TRIM33: variants seen among roughly 807,000 people sequenced by gnomAD.
TRIM33 encodes E3 ubiquitin-protein ligase TRIM33.
TRIM33 carries 20 observed loss-of-function variants against 125.4 expected under a neutral mutation model. That is an observed-to-expected ratio of 0.16 (90% CI 0.11 to 0.23). TRIM33 has a LOEUF of 0.23. TRIM33 is among the 10% of genes least tolerant of loss of function. The pLI, the probability that TRIM33 is intolerant of heterozygous loss-of-function variation, is 1.00. For missense variants in TRIM33, 920 were observed against 1,411.4 expected (o/e 0.65, Z 5.58); for synonymous variants, 564 against 513.9 (o/e 1.10, Z -1.32).
In TRIM33 at chr1:114,399,628, G is replaced by A. The variant is rs116234499; in HGVS notation, c.2968-19C>T. 4,493 of 1,543,038 alleles carry A rather than the reference G, an allele frequency of 2.9e-3. 20 individuals are homozygous for A. Among genetic ancestry groups the A allele is most frequent in the Middle Eastern group, 0.012 (71 of 5,770 alleles). On this transcript the variant is annotated intron_variant, in intron 17 of 19. Transcript: ENST00000358465. Reference sequence around the variant, plus strand: ...TTGGTATCTAAAATAAGCACATAATGGCAAATAAGAATTCTCCAAAAATGC... The same window carrying A: ...TTGGTATCTAAAATAAGCACATAATAGCAAATAAGAATTCTCCAAAAATGC...
At chr1:114,509,612 G>T (rs559115728) in intron 1 of TRIM33, among the ~76,000 whole-genome samples, 2 of 152,254 alleles carry the variant, frequency 1.3e-5, no homozygotes, top group Admixed American at 1.3e-4. Context: ...TAGTTCCAGG[G>T]ATGTAGAAGG....
chr1:114,502,391 G>A (rs987120610), intron 1 of TRIM33, among the ~76,000 whole-genome samples: 2 of 152,018 alleles, frequency 1.3e-5, no homozygotes, highest in Admixed American at 1.3e-4. Flanking sequence ...TGTTTAGATG[G>A]GGTATGACCA....
chr1:114,481,798 C>T (rs537859867), intron 1 of TRIM33, among the ~76,000 whole-genome samples: 1 of 151,612 alleles, frequency 6.6e-6, no homozygotes, highest in African/African-American at 2.4e-5. Flanking sequence ...CTCACTCTAT[C>T]GCCCAGGCTG....
chr1:114,501,547 T>C (rs1054400760), intron 1 of TRIM33, among the ~76,000 whole-genome samples: 1 of 152,212 alleles, frequency 6.6e-6, no homozygotes, highest in Non-Finnish European at 1.5e-5. Flanking sequence ...AATTCTATTA[T>C]ATTCTCTTGG....
intron 1 of TRIM33, among the ~76,000 whole-genome samples, chr1:114,490,180 A>G (rs764555395): frequency 3.3e-5 from 5 of 152,030 alleles, no homozygotes; most frequent in African/African-American, 7.2e-5. Flanking sequence ...AGACTATCAT[A>G]AAGAACTGAC....
chr1:114,443,722 T>G (rs1418466193), intron 4 of TRIM33, among the ~76,000 whole-genome samples: 1 of 151,924 alleles, frequency 6.6e-6, no homozygotes, highest in Non-Finnish European at 1.5e-5. Flanking sequence ...TACACAAAAC[T>G]GCAATAGGGT....
intron 4 of TRIM33, among the ~76,000 whole-genome samples, chr1:114,444,646 T>C (rs1261083020): frequency 1.3e-5 from 2 of 152,220 alleles, no homozygotes; most frequent in South Asian, 2.1e-4. Flanking sequence ...AGATCTTCCC[T>C]AACAAAGCAT....
At chr1:114,473,766 T>C (rs1198659320) in intron 1 of TRIM33, among the ~76,000 whole-genome samples, 2 of 152,012 alleles carry the variant, frequency 1.3e-5, no homozygotes, top group African/African-American at 4.8e-5. Flanking sequence ...AATAAATACA[T>C]GAGCTATACA....
At position 114,511,119 on chromosome 1, in the gene TRIM33, C is replaced by T. The variant is rs1007571492; in HGVS notation, c.-43G>A. On this transcript the variant is annotated 5_prime_UTR_variant, in exon 1 of 20. Coordinates refer to ENST00000358465, the MANE Select transcript of TRIM33 (RefSeq NM_015906.4). ...CGCCGGACCGCCCCGCGCCGCCCGC[C>T]GCCCGCGTCGCCGCCGCCGCCGCCC... 1.8e-6 allele frequency: 2 copies of T among 1,121,310 alleles called. No homozygotes were observed. Among genetic ancestry groups the T allele is most frequent in the African/African-American group, 1.7e-5 (1 of 60,180 alleles). The allele number at this position is 1,121,310 out of a possible 1,614,324, so 69.5% of individuals were successfully genotyped here.
At chr1:114,404,956 T>A (rs1652141435) in intron 15 of TRIM33, 2 of 152,318 alleles carry the variant, frequency 1.3e-5, no homozygotes, top group Non-Finnish European at 2.9e-5. Flanking sequence ...TATTTTATGG[T>A]CTCTGAAATC....
chr1:114,435,987 C>A (rs1279326515), intron 4 of TRIM33, among the ~76,000 whole-genome samples: 6 of 149,518 alleles, frequency 4.0e-5, no homozygotes, highest in African/African-American at 1.5e-4. Context: ...CCTGCCTCGG[C>A]CAAAATGCTA....
intron 4 of TRIM33, among the ~76,000 whole-genome samples, chr1:114,442,952 T>C (rs1188901160): frequency 6.6e-6 from 1 of 152,162 alleles, no homozygotes; most frequent in East Asian, 1.9e-4. Flanking sequence ...AATATAAATT[T>C]AGAATTGTGA....
At chr1:114,481,354 G>C (rs546450734) in intron 1 of TRIM33, among the ~76,000 whole-genome samples, 41 of 152,248 alleles carry the variant, frequency 2.7e-4, no homozygotes, top group African/African-American at 9.9e-4. Flanking sequence ...AGCACTTTGG[G>C]AAGCCAAGGT....
In TRIM33 at chr1:114,437,772, G is replaced by A. The variant is rs530722802; in HGVS notation, c.924-4039C>T. Among the ~76,000 whole-genome samples the A allele has an allele frequency of 4.9e-4, 75 of 152,220 alleles. 2 individuals carry two copies. Among genetic ancestry groups the A allele is most frequent in the Admixed American group, 4.3e-3 (66 of 15,292 alleles). On this transcript the variant is annotated intron_variant, in intron 4 of 19. Transcript: ENST00000358465. ...ACTAAGTAAAACTTTTTGTGCTTCT[G>A]GCTAGAATTATATAAACCTGGTAAA...
chr1:114,490,055 A>G (rs1393420619), intron 1 of TRIM33, among the ~76,000 whole-genome samples: 3 of 142,632 alleles, frequency 2.1e-5, no homozygotes, highest in African/African-American at 7.9e-5. Flanking sequence ...GTTCAAGACC[A>G]GCCTGGGCAA....
chr1:114,413,164 G>C (rs986486869), intron 11 of TRIM33, among the ~76,000 whole-genome samples: 14 of 152,082 alleles, frequency 9.2e-5, no homozygotes, highest in Non-Finnish European at 1.9e-4. Flanking sequence ...ACATGTGAGA[G>C]ATAAACCAAA....
chr1:114,509,443 TAA>T (rs1224374089), intron 1 of TRIM33, among the ~76,000 whole-genome samples: 1 of 152,194 alleles, frequency 6.6e-6, no homozygotes, highest in Non-Finnish European at 1.5e-5. Flanking sequence ...CAGACCCTGA[TAA>T]AAGTCTCACA....
At position 114,511,035 on chromosome 1, in the gene TRIM33, G is replaced by A. The variant is rs1048174967; in HGVS notation, c.42C>T (p.Gly14=). The A allele has an allele frequency of 5.3e-6, 7 of 1,316,126 alleles. No homozygotes were observed. The highest frequency in any genetic ancestry group is 1.8e-5 in the South Asian group (1 of 54,346). The allele number at this position is 1,316,126 out of a possible 1,614,324, so 81.5% of individuals were successfully genotyped here. The change falls in exon 1 of 20, where the codon GGC becomes GGT. Residue 14 remains glycine (G), a synonymous_variant. Transcript: ENST00000358465. ...NKGGGEAESG[G]GGSGSAPVTA... ...TTACCGGCGCGCTGCCGCTGCCCCC[G>A]CCGCCGCTCTCAGCCTCGCCGCCGC...
intron 1 of TRIM33, among the ~76,000 whole-genome samples, chr1:114,500,709 AACTT>A (rs1652656251): frequency 6.6e-6 from 1 of 152,036 alleles, no homozygotes; most frequent in African/African-American, 2.4e-5. Context: ...TAATGAACAA[AACTT>A]ACTGCTTATT....
Sources: allele counts gnomAD v4.1 joint callset (sites outside exome capture counted in the v4.1 genomes callset), GRCh38; gene constraint gnomAD v4.1.1; transcripts MANE v1.5; gene names NCBI Gene and HGNC (gene_info 2026-07-23, HGNC 2026-07-21).